Variants in TUBD1 observed in about 807,000 individuals in gnomAD.
TUBD1 encodes the protein tubulin delta 1, also known as tubulin delta chain.
TUBD1 carries 38 observed loss-of-function variants against 51.2 expected under a neutral mutation model. The ratio of observed to expected loss-of-function variants is 0.74; its 90% CI spans 0.57 to 0.97. The LOEUF (loss-of-function observed/expected upper bound fraction) is 0.97. Ranked by LOEUF, TUBD1 falls within the 50% of genes least tolerant of loss-of-function variation. TUBD1 has a pLI of 0.00. For synonymous variants in TUBD1, 169 were observed against 178.2 expected, an observed-to-expected ratio of 0.95 and a Z score of 0.41; for missense variants, 489 against 538.4, an observed-to-expected ratio of 0.91 and a Z score of 0.91.
intron 6 of TUBD1, among the ~76,000 whole-genome samples, chr17:59,867,743 A>C (rs902047165): frequency 1.3e-5 from 2 of 151,938 alleles, no homozygotes; most frequent in African/African-American, 2.4e-5. Context: ...CCGATGTGCT[A>C]ATGGGATGTA....
intron 5 of TUBD1, 83 bp from the exon 6 acceptor site, chr17:59,874,786 T>C: frequency 8.8e-7 from 1 of 1,132,230 alleles, no homozygotes; most frequent in Non-Finnish European, 1.3e-6. Flanking sequence ...GATTTGAAGG[T>C]TTTCTGGGCC....
At chr17:59,884,409 T>G (rs1190535102) in intron 3 of TUBD1, among the ~76,000 whole-genome samples, 2 of 151,998 alleles carry the variant, frequency 1.3e-5, no homozygotes, top group African/African-American at 2.4e-5. Flanking sequence ...GGTCAAGAGT[T>G]CCAGACCAGC....
intron 4 of TUBD1, 42 bp from the exon 5 acceptor site, chr17:59,878,376 T>C (rs1415404883): frequency 7.1e-7 from 1 of 1,406,876 alleles, no homozygotes; most frequent in Non-Finnish European, 1.0e-6. Flanking sequence ...TAGGAGAGAA[T>C]AATGGTTAAG....
intron 2 of TUBD1, among the ~76,000 whole-genome samples, chr17:59,888,433 T>C (rs1318016417): frequency 6.6e-6 from 1 of 152,162 alleles, no homozygotes; most frequent in Non-Finnish European, 1.5e-5. Flanking sequence ...TCTTGTTTGA[T>C]GGTATGTATG....
At chr17:59,871,463 G>T (rs2039979386) in intron 6 of TUBD1, among the ~76,000 whole-genome samples, 1 of 152,162 alleles carries the variant, frequency 6.6e-6, no homozygotes, top group Non-Finnish European at 1.5e-5. Flanking sequence ...CTCCCAAAGT[G>T]CTGGGATTAC....
At chr17:59,867,672 T>C (rs781385316) in intron 6 of TUBD1, among the ~76,000 whole-genome samples, 26 of 151,362 alleles carry the variant, frequency 1.7e-4, no homozygotes, top group Non-Finnish European at 3.2e-4. Context: ...TGGGTGACAG[T>C]GCGAGAAATA....
At chr17:59,889,195 G>C (rs1037524260) in intron 2 of TUBD1, among the ~76,000 whole-genome samples, 1 of 149,904 alleles carries the variant, frequency 6.7e-6, no homozygotes, top group Admixed American at 6.7e-5. Flanking sequence ...TGTATTTTTA[G>C]TCGAGACGGG....
At chr17:59,868,283 CAAAA>C (rs11401623) in intron 6 of TUBD1, among the ~76,000 whole-genome samples, 2 of 49,138 alleles carry the variant, frequency 4.1e-5, no homozygotes, top group African/African-American at 7.4e-5. Flanking sequence ...GACTCCATGT[CAAAA>C]AAAAAAAAAA....
At chr17:59,877,552 C>T (rs1011369120) in intron 5 of TUBD1, among the ~76,000 whole-genome samples, 3 of 152,038 alleles carry the variant, frequency 2.0e-5, no homozygotes, top group Non-Finnish European at 2.9e-5. Flanking sequence ...AAGGCCGAGG[C>T]GGGTGGATCA....
intron 8 of TUBD1, among the ~76,000 whole-genome samples, chr17:59,862,200 G>A (rs2039483632): frequency 6.6e-6 from 1 of 151,300 alleles, no homozygotes; most frequent in South Asian, 2.1e-4. Context: ...GTGCATGCCT[G>A]TAATCCCAGC....
intron 8 of TUBD1, among the ~76,000 whole-genome samples, chr17:59,861,195 A>ATTT (rs34020172): frequency 1.4e-5 from 2 of 141,904 alleles, no homozygotes; most frequent in African/African-American, 5.2e-5. Context: ...ACCCCACAAA[A>ATTT]TTTTTTTTTT....
intron 6 of TUBD1, among the ~76,000 whole-genome samples, chr17:59,872,611 TAGA>T (rs910796232): frequency 6.6e-6 from 1 of 151,910 alleles, no homozygotes; most frequent in Admixed American, 6.6e-5. Flanking sequence ...CCAAGTATGT[TAGA>T]AGAATGAAGG....
chr17:59,867,575 C>A (rs1173471024), intron 6 of TUBD1, among the ~76,000 whole-genome samples: 3 of 151,912 alleles, frequency 2.0e-5, no homozygotes, highest in Non-Finnish European at 2.9e-5. Flanking sequence ...TGGCATGCAC[C>A]TACTTGAGAA....
At position 59,863,805 on chromosome 17, in the gene TUBD1, G is replaced by A. The variant is rs143600797; in HGVS notation, c.1118C>T (p.Pro373Leu). 6.9e-4 allele frequency: 1,100 copies of A among 1,603,302 alleles called. 1 individual carries two copies. Among genetic ancestry groups the A allele is most frequent in the Non-Finnish European group, 9.0e-4 (1,056 of 1,176,358 alleles). The change falls in exon 8 of 9, where the codon CCT becomes CTT. Residue 373 changes from proline to leucine, a missense_variant. Physicochemically the swap from Pro to Leu is moderately conservative, Grantham distance 98. Coordinates refer to ENST00000325752, the MANE Select transcript of TUBD1 (RefSeq NM_016261.4). Reference sequence around the variant, plus strand: ...TTTCCACACGTTGAAAGCATTAACAGGCTTCAACCAGGAAGTATACAGAGC... The same window carrying A: ...TTTCCACACGTTGAAAGCATTAACAAGCTTCAACCAGGAAGTATACAGAGC... Reference protein sequence around the residue: ...DPALYTSWLKPVNAFNVWKTQ... With the variant: ...DPALYTSWLKLVNAFNVWKTQ...
At chr17:59,884,191 G>A (rs1207048835) in intron 3 of TUBD1, among the ~76,000 whole-genome samples, 2 of 151,552 alleles carry the variant, frequency 1.3e-5, no homozygotes, top group African/African-American at 4.9e-5. Flanking sequence ...AACCCGGGAG[G>A]CAGAGGTTGC....
At chr17:59,861,478 C>A (rs997745068) in intron 8 of TUBD1, among the ~76,000 whole-genome samples, 1 of 151,702 alleles carries the variant, frequency 6.6e-6, no homozygotes, top group South Asian at 2.1e-4. Context: ...GGGTTACAAG[C>A]GTGAGCCACC....
chr17:59,882,960 T>C (rs894869113), intron 3 of TUBD1, among the ~76,000 whole-genome samples: 1 of 149,568 alleles, frequency 6.7e-6, no homozygotes, highest in Non-Finnish European at 1.5e-5. Context: ...AATTTTTGTA[T>C]TTTTAGTAGA....
intron 8 of TUBD1, among the ~76,000 whole-genome samples, chr17:59,860,650 G>C (rs1242672679): frequency 6.6e-6 from 1 of 151,246 alleles, no homozygotes. Context: ...GCAGTGGCAT[G>C]ATCTCGGCTC....
rs1252217202 is a variant in TUBD1, at chr17:59,886,249, C to G, written c.173-19G>C. 1.9e-6 allele frequency: 3 copies of G among 1,592,934 alleles called. No individual in the cohort carries two copies. In the African/African-American group the frequency reaches 4.1e-5, roughly 22 times the overall value. ...ATTGGAACTAGAGGGGGAAAAAAAC[C>G]CAAAAACATCGAAAGAAAAAAAGAT... is the stretch of plus-strand genomic sequence containing the variant. On this transcript the variant is annotated intron_variant, in intron 2 of 8. Transcript: ENST00000325752.
Sources: allele counts gnomAD v4.1 joint callset (sites outside exome capture counted in the v4.1 genomes callset), GRCh38; gene constraint gnomAD v4.1.1; transcripts MANE v1.5; gene names NCBI Gene and HGNC (gene_info 2026-07-23, HGNC 2026-07-21).